Variants in ABCA12 observed in about 807,000 individuals in gnomAD.
ABCA12 encodes the protein glucosylceramide transporter ABCA12.
Under a neutral mutation model 293.5 loss-of-function variants are expected in ABCA12, and 156 were observed. The ratio of observed to expected loss-of-function variants is 0.53; its 90% CI spans 0.47 to 0.61. ABCA12 has a LOEUF of 0.61. ABCA12 is among the 20% of genes least tolerant of loss of function. The pLI is 0.00. For missense variants in ABCA12, 2,797 were observed against 3,090.2 expected (o/e 0.91, Z 2.25); for synonymous variants, 1,063 against 1,108.0 (o/e 0.96, Z 0.81).
intron 2 of ABCA12, among the ~76,000 whole-genome samples, chr2:215,082,385 C>G (rs1022177291): frequency 3.9e-5 from 6 of 152,048 alleles, no homozygotes; most frequent in Non-Finnish European, 8.8e-5. Context: ...ATAAAACCCA[C>G]CCCTTAGCGC....
intron 43 of ABCA12, 86 bp downstream of exon 43, chr2:214,955,113 ATTC>A (rs1296970117): frequency 6.1e-6 from 9 of 1,485,402 alleles, no homozygotes; most frequent in East Asian, 4.8e-5. Flanking sequence ...ATCAAATGAT[ATTC>A]TTCTTTTTTA....
intron 33 of ABCA12, 78 bp downstream of exon 33, chr2:214,978,238 A>G (rs1574956811): frequency 1.3e-6 from 2 of 1,556,120 alleles, no homozygotes; most frequent in South Asian, 2.3e-5. Flanking sequence ...GAATTTTTAA[A>G]AATCAAAGTC....
At chr2:215,009,248 C>T (rs1319681472) in intron 18 of ABCA12, among the ~76,000 whole-genome samples, 1 of 152,082 alleles carries the variant, frequency 6.6e-6, no homozygotes, top group Non-Finnish European at 1.5e-5. Context: ...ACCACACGCT[C>T]TCACTTATAA....
At position 215,096,073 on chromosome 2, in the gene ABCA12, G is replaced by A. The variant is rs116159774; in HGVS notation, c.163+15524C>T. On this transcript the variant is annotated intron_variant, in intron 2 of 52. Transcript: ENST00000272895. ...CACCAGAAGACCTGGGTTCAAGTAG[G>A]AAGCTCTGCCGTTTACCAGCTGTTT... 7.6e-3 allele frequency among the ~76,000 whole-genome samples: 1,163 copies of A among 152,252 alleles called. 8 individuals carry two copies. The highest frequency in any genetic ancestry group is 0.026 in the African/African-American group (1,085 of 41,538).
chr2:215,058,655 C>A (rs565011059), intron 3 of ABCA12, among the ~76,000 whole-genome samples: 34 of 152,096 alleles, frequency 2.2e-4, no homozygotes, highest in African/African-American at 7.2e-4. Flanking sequence ...CCAAGTGGCC[C>A]ATGGCATCAG....
At chr2:214,939,138 T>C (rs1698314948) in intron 50 of ABCA12, among the ~76,000 whole-genome samples, 4 of 152,354 alleles carry the variant, frequency 2.6e-5, no homozygotes, top group South Asian at 4.1e-4. Flanking sequence ...TTAATTTTTG[T>C]ATAAGGTGTA....
Position 215,001,619 on chromosome 2 carries a change from T to C in ABCA12, c.2802A>G (p.Lys934=). The C allele has an allele frequency of 6.2e-7, 1 of 1,613,838 alleles. No individual in the cohort carries two copies. Among genetic ancestry groups the C allele is most frequent in the Non-Finnish European group, 8.5e-7 (1 of 1,179,828 alleles). Residue 934 remains lysine (K), a synonymous_variant, in exon 21 of 53, where the codon AAA becomes AAG. Transcript: ENST00000272895. ...CCTCTCTCTCCATTTCATCTATGGT[T>C]TTTGCTGCCTGAATACGGTCATATA... ...CVLYDRIQAA[K]TIDEMEREAK...
chr2:215,138,286 T>C lies in ABCA12; in HGVS notation c.-78A>G. ...TGAAGAACTGATGCCCCGTCCAACT[T>C]GCTGTATGTCAGTGTATCAGTACCC... On this transcript the variant is annotated 5_prime_UTR_variant, in exon 1 of 53. Transcript: ENST00000272895. The C allele has an allele frequency of 6.7e-7, 1 of 1,484,142 alleles. No homozygotes were observed. The allele number at this position is 1,484,142 out of a possible 1,614,324, so 91.9% of individuals were successfully genotyped here.
At chr2:215,052,626 C>G in intron 4 of ABCA12, 42 bp from the exon 5 acceptor site, 1 of 1,444,732 alleles carries the variant, frequency 6.9e-7, no homozygotes, top group Non-Finnish European at 9.7e-7. Flanking sequence ...CACACACACA[C>G]ACACAAATGC....
chr2:215,040,893 G>T (rs1164993812), intron 7 of ABCA12, among the ~76,000 whole-genome samples: 5 of 152,182 alleles, frequency 3.3e-5, no homozygotes, highest in Non-Finnish European at 5.9e-5. Flanking sequence ...AAAAGGGGGG[G>T]TGTGAATATA....
intron 51 of ABCA12, among the ~76,000 whole-genome samples, chr2:214,935,281 G>A (rs977022336): frequency 6.6e-6 from 1 of 152,116 alleles, no homozygotes; most frequent in African/African-American, 2.4e-5. Context: ...GGAGAAATCA[G>A]ACTTTTTATT....
At chr2:215,006,327 C>T (rs540051236) in intron 19 of ABCA12, among the ~76,000 whole-genome samples, 1 of 151,964 alleles carries the variant, frequency 6.6e-6, no homozygotes, top group Admixed American at 6.6e-5. Context: ...ATCTAAGTAG[C>T]CTTCGTTTTC....
chr2:214,963,694 A>G (rs1574946294), intron 39 of ABCA12, among the ~76,000 whole-genome samples: 1 of 150,678 alleles, frequency 6.6e-6, no homozygotes, highest in African/African-American at 2.4e-5. Flanking sequence ...CGGGTGGATC[A>G]CCTGAAGTCA....
intron 30 of ABCA12, among the ~76,000 whole-genome samples, chr2:214,981,966 A>T (rs866973526): frequency 0.016 from 1,788 of 111,412 alleles, 20 homozygotes; most frequent in Middle Eastern, 0.036. Flanking sequence ...TATTATTATT[A>T]TTATTATTAT....
At chr2:214,985,821 C>T (rs1364086134) in intron 28 of ABCA12, among the ~76,000 whole-genome samples, 2 of 152,202 alleles carry the variant, frequency 1.3e-5, no homozygotes, top group Non-Finnish European at 1.5e-5. Flanking sequence ...AGAGCTGACT[C>T]AGCAACTAAG....
In ABCA12 at chr2:214,976,194, C is replaced by T. The variant is rs572644570; in HGVS notation, c.5129-157G>A. Among the ~76,000 whole-genome samples, 13 of 152,246 alleles carry T rather than the reference C, an allele frequency of 8.5e-5. No individual in the cohort carries two copies. In the South Asian group the frequency reaches 2.7e-3, roughly 32 times the overall value. On this transcript the variant is annotated intron_variant, in intron 33 of 52. Coordinates refer to ENST00000272895, the MANE Select transcript of ABCA12 (RefSeq NM_173076.3). ...CAGCAATGTTATTTCTCAGCCTTAG[C>T]CTTGGACCTTCCATTGGGAAAACTG...
intron 33 of ABCA12, among the ~76,000 whole-genome samples, chr2:214,978,032 G>A (rs1699559949): frequency 1.3e-5 from 2 of 152,058 alleles, no homozygotes; most frequent in African/African-American, 4.8e-5. Flanking sequence ...TGAAATTGTA[G>A]AAGTTACTTC....
At chr2:215,050,779 T>A in intron 5 of ABCA12, 2 of 985,038 alleles carry the variant, frequency 2.0e-6, no homozygotes, top group Non-Finnish European at 1.2e-6. Flanking sequence ...CTTCTAACAT[T>A]CCACATAAAC....
At chr2:215,059,891 C>G (rs1216093679) in intron 3 of ABCA12, among the ~76,000 whole-genome samples, 2 of 152,000 alleles carry the variant, frequency 1.3e-5, no homozygotes, top group Non-Finnish European at 2.9e-5. Context: ...CTATTTTTCC[C>G]TTTCACTGAA....
Sources: allele counts gnomAD v4.1 joint callset (sites outside exome capture counted in the v4.1 genomes callset), GRCh38; gene constraint gnomAD v4.1.1; transcripts MANE v1.5; gene names NCBI Gene and HGNC (gene_info 2026-07-23, HGNC 2026-07-21).